LIN28B: variants seen among roughly 807,000 people sequenced by gnomAD.
The protein encoded by LIN28B is protein lin-28 homolog B.
Under a neutral mutation model 21.9 loss-of-function variants are expected in LIN28B, and 5 were observed. The ratio of observed to expected loss-of-function variants is 0.23; its 90% CI spans 0.12 to 0.48. The LOEUF (loss-of-function observed/expected upper bound fraction) is 0.48, where lower values mean the gene tolerates loss of function less well. Among genes scored for constraint, LIN28B ranks in the 20% least tolerant of loss-of-function variants. LIN28B has a pLI of 0.98. For synonymous variants in LIN28B, 109 were observed against 111.3 expected, an observed-to-expected ratio of 0.98 and a Z score of 0.13; for missense variants, 245 against 310.5, an observed-to-expected ratio of 0.79 and a Z score of 1.58.
At chr6:105,057,516 A>G (rs1772043282) in intron 3 of LIN28B, among the ~76,000 whole-genome samples, 1 of 151,858 alleles carries the variant, frequency 6.6e-6, no homozygotes, top group South Asian at 2.1e-4. Context: ...AATCAAGGTG[A>G]TTTTTCTTCC....
chr6:105,046,547 A>G (rs556695545), intron 3 of LIN28B, among the ~76,000 whole-genome samples: 57 of 152,248 alleles, frequency 3.7e-4, no homozygotes, highest in Non-Finnish European at 7.1e-4. Flanking sequence ...TGGGATGGCT[A>G]GGTCAAATGG....
chr6:104,954,061 C>G (rs1170715075), upstream of LIN28B, among the ~76,000 whole-genome samples: 1 of 152,026 alleles, frequency 6.6e-6, no homozygotes, highest in East Asian at 1.9e-4. Flanking sequence ...TGCTTTTTCC[C>G]CCCAGTACAT....
chr6:104,988,697 C>A (rs1034281783), intron 2 of LIN28B, among the ~76,000 whole-genome samples: 4 of 151,836 alleles, frequency 2.6e-5, no homozygotes, highest in Non-Finnish European at 4.4e-5. Context: ...TCCGCCTCCG[C>A]TTTGCGAGTA....
chr6:104,945,163 G>GA (rs943006380), intron 2 of LIN28B, among the ~76,000 whole-genome samples: 5 of 151,994 alleles, frequency 3.3e-5, no homozygotes, highest in Non-Finnish European at 7.4e-5. Context: ...TAACATTTTA[G>GA]AAAAAATCTG....
At chr6:104,950,597 C>T in intron 3 of LIN28B, 1 of 718,780 alleles carries the variant, frequency 1.4e-6, no homozygotes, top group Non-Finnish European at 1.9e-6. Flanking sequence ...AACCTGACAG[C>T]CCTCAGGAAT....
At position 104,962,817 on chromosome 6, in the gene LIN28B, A is replaced by T. The variant is rs533597000; in HGVS notation, c.198+4531A>T. Among the ~76,000 whole-genome samples the T allele has an allele frequency of 1.7e-3, 264 of 152,302 alleles. 2 individuals carry two copies. Among genetic ancestry groups the T allele is most frequent in the Admixed American group, 2.3e-3 (35 of 15,296 alleles). On this transcript the variant is annotated intron_variant, in intron 2 of 3. Coordinates refer to ENST00000345080, the MANE Select transcript of LIN28B (RefSeq NM_001004317.4). Reference sequence around the variant, plus strand: ...ATGAAGAATATGTGTGATTATTGTTATTCTCTGGGCTGCTTAAAATGCCAA... The same window carrying T: ...ATGAAGAATATGTGTGATTATTGTTTTTCTCTGGGCTGCTTAAAATGCCAA...
At chr6:104,985,926 A>G (rs1770329192) in intron 2 of LIN28B, among the ~76,000 whole-genome samples, 1 of 152,182 alleles carries the variant, frequency 6.6e-6, no homozygotes, top group Non-Finnish European at 1.5e-5. Flanking sequence ...ATTACACTGG[A>G]ACCTTTGTCA....
chr6:105,060,780 T>C (rs1300713323), intron 3 of LIN28B, among the ~76,000 whole-genome samples: 2 of 152,332 alleles, frequency 1.3e-5, no homozygotes, highest in Admixed American at 1.3e-4. Context: ...GTAGAACTTA[T>C]TGGAAGAGAT....
intron 2 of LIN28B, among the ~76,000 whole-genome samples, chr6:105,011,235 G>A (rs1177169379): frequency 6.6e-6 from 1 of 152,252 alleles, no homozygotes; most frequent in South Asian, 2.1e-4. Flanking sequence ...TATTGCCCAA[G>A]CTGGAGTGCA....
chr6:104,969,457 C>A (rs546143607), intron 2 of LIN28B, among the ~76,000 whole-genome samples: 80 of 151,622 alleles, frequency 5.3e-4, no homozygotes, highest in Admixed American at 1.1e-3. Flanking sequence ...ACAACAACAA[C>A]AAAAAAAAGC....
At chr6:105,008,196 C>T (rs974689132) in intron 2 of LIN28B, among the ~76,000 whole-genome samples, 2 of 152,116 alleles carry the variant, frequency 1.3e-5, no homozygotes, top group Non-Finnish European at 2.9e-5. Flanking sequence ...TTCCAAACCA[C>T]GAAGTTGTTA....
In LIN28B at chr6:105,068,736, A is replaced by G. The variant is rs1210014986; in HGVS notation, c.384-9678A>G. 3.9e-5 allele frequency among the ~76,000 whole-genome samples: 6 copies of G among 152,328 alleles called. No homozygotes were observed. The South Asian group carries it at 1.2e-3, about 32-fold the overall frequency. On this transcript the variant is annotated intron_variant, in intron 3 of 3. Coordinates refer to ENST00000345080, the MANE Select transcript of LIN28B (RefSeq NM_001004317.4). ...GTCTGATTAAATAGGTTTAAATACT[A>G]TCTTTTATGGACTTCCTTTTCTTTA... is the stretch of plus-strand genomic sequence containing the variant.
intron 2 of LIN28B, among the ~76,000 whole-genome samples, chr6:105,016,395 T>C (rs2114318424): frequency 6.6e-6 from 1 of 152,334 alleles, no homozygotes. Context: ...CTGTGGCATG[T>C]AGTTTCAAGA....
intron 3 of LIN28B, among the ~76,000 whole-genome samples, chr6:105,038,880 A>G (rs1037306022): frequency 6.6e-6 from 1 of 152,234 alleles, no homozygotes. Context: ...CTCATGTTGA[A>G]CTAGCAGAAA....
At chr6:105,049,502 T>C (rs1049776991) in intron 3 of LIN28B, among the ~76,000 whole-genome samples, 8 of 152,242 alleles carry the variant, frequency 5.3e-5, no homozygotes, top group Non-Finnish European at 1.0e-4. Context: ...GAGAGTTCTG[T>C]AGATGTCTAT....
At chr6:104,950,989 A>G (rs1227888070) in intron 3 of LIN28B, among the ~76,000 whole-genome samples, 1 of 152,064 alleles carries the variant, frequency 6.6e-6, no homozygotes, top group Non-Finnish European at 1.5e-5. Flanking sequence ...TTTTGAGGAA[A>G]TTTTTCTTAT....
intron 2 of LIN28B, among the ~76,000 whole-genome samples, chr6:105,022,776 G>A (rs1247958851): frequency 6.6e-6 from 1 of 152,120 alleles, no homozygotes; most frequent in Non-Finnish European, 1.5e-5. Context: ...GCCTTGCGGG[G>A]AAATGAGACT....
intron 2 of LIN28B, among the ~76,000 whole-genome samples, chr6:104,998,256 A>G (rs1770652067): frequency 6.6e-6 from 1 of 152,178 alleles, no homozygotes; most frequent in Admixed American, 6.5e-5. Context: ...CTATTATGTA[A>G]TTGAAGTCCT....
intron 3 of LIN28B, among the ~76,000 whole-genome samples, chr6:105,030,004 G>A (rs1771386285): frequency 6.6e-6 from 1 of 152,170 alleles, no homozygotes; most frequent in South Asian, 2.1e-4. Context: ...GTGGTCAGAA[G>A]TGAATAACTG....
Sources: gnomAD v4.1 joint callset for allele counts (sites outside exome capture counted in the v4.1 genomes callset) on GRCh38, gnomAD v4.1.1 for gene constraint, MANE v1.5 for transcripts, NCBI Gene and HGNC (gene_info 2026-07-23, HGNC 2026-07-21) for gene names.